Variants in PARP16 observed in about 807,000 individuals in gnomAD.
PARP16 encodes protein mono-ADP-ribosyltransferase PARP16.
In PARP16, 31 loss-of-function variants were observed where a neutral mutation model predicts 35.0. That is an observed-to-expected ratio of 0.88 (90% CI 0.66 to 1.19). The LOEUF (loss-of-function observed/expected upper bound fraction) is 1.19. PARP16 is among the 50% of genes most tolerant of loss of function. The pLI is 0.00. For missense variants in PARP16, 424 were observed against 411.2 expected, an observed-to-expected ratio of 1.03 and a Z score of -0.27; for synonymous variants, 162 against 169.5, an observed-to-expected ratio of 0.96 and a Z score of 0.34.
chr15:65,281,107 C>G (rs1483412098), intron 1 of PARP16, among the ~76,000 whole-genome samples: 4 of 152,168 alleles, frequency 2.6e-5, no homozygotes, highest in African/African-American at 9.7e-5. Flanking sequence ...CAGAAAGGGT[C>G]TACAGGCTAA....
intron 1 of PARP16, among the ~76,000 whole-genome samples, chr15:65,284,337 C>CTT (rs34254507): frequency 0.018 from 1,187 of 67,022 alleles, 1 homozygote; most frequent in Middle Eastern, 0.03. Flanking sequence ...TTTCTTTCCT[C>CTT]TTTTTTTTTT....
At chr15:65,266,807 G>A in intron 2 of PARP16, 39 bp from the exon 3 acceptor site, 2 of 1,463,204 alleles carry the variant, frequency 1.4e-6, no homozygotes, top group Non-Finnish European at 1.9e-6. Context: ...TATTTGGGGA[G>A]CTGGTAAATG....
downstream of PARP16, among the ~76,000 whole-genome samples, chr15:65,231,000 T>C (rs956181281): frequency 6.7e-6 from 1 of 150,234 alleles, no homozygotes; most frequent in African/African-American, 2.4e-5. Flanking sequence ...GTGATTCTCC[T>C]GCCTCAGCCT....
chr15:65,282,355 A>C (rs1042657656), intron 1 of PARP16, among the ~76,000 whole-genome samples: 1 of 152,194 alleles, frequency 6.6e-6, no homozygotes, highest in Admixed American at 6.5e-5. Context: ...AGGTAACTAC[A>C]AAATGATCTA....
chr15:65,278,775 T>C (rs919204993), intron 1 of PARP16, among the ~76,000 whole-genome samples: 4 of 152,080 alleles, frequency 2.6e-5, no homozygotes, highest in Non-Finnish European at 4.4e-5. Flanking sequence ...AGAACAAACA[T>C]CTGAAAAACA....
intron 3 of PARP16, chr15:65,234,903 C>G (rs1015231468): frequency 3.9e-5 from 6 of 152,202 alleles, no homozygotes; most frequent in Admixed American, 3.3e-4. Context: ...GTAATCCCAG[C>G]ACTTTGGGAG....
intron 3 of PARP16, among the ~76,000 whole-genome samples, chr15:65,265,979 A>C (rs1037188000): frequency 1.3e-5 from 2 of 152,110 alleles, no homozygotes; most frequent in African/African-American, 2.4e-5. Context: ...CCTAGGCTGG[A>C]GTGCAATGGC....
chr15:65,240,027 G>A (rs1390696130), intron 3 of PARP16, among the ~76,000 whole-genome samples: 1 of 143,558 alleles, frequency 7.0e-6, no homozygotes, highest in Admixed American at 7.2e-5. Flanking sequence ...GCGCGATCAC[G>A]GCTCACTGCA....
At chr15:65,244,838 G>A (rs2089166465) in intron 3 of PARP16, among the ~76,000 whole-genome samples, 1 of 152,256 alleles carries the variant, frequency 6.6e-6, no homozygotes, top group Non-Finnish European at 1.5e-5. Context: ...CTGTGAGCCT[G>A]TTGGTTGGTC....
chr15:65,272,169 C>A (rs532340643), intron 1 of PARP16, among the ~76,000 whole-genome samples: 3 of 152,352 alleles, frequency 2.0e-5, no homozygotes, highest in Non-Finnish European at 4.4e-5. Flanking sequence ...ATGTGGACCA[C>A]TGCAAGGACT....
chr15:65,261,945 T>G (rs933505090), intron 4 of PARP16, among the ~76,000 whole-genome samples: 10 of 152,180 alleles, frequency 6.6e-5, no homozygotes, highest in African/African-American at 2.4e-4. Flanking sequence ...AAGGTTTTGT[T>G]TTGATGTTTA....
intron 5 of PARP16, among the ~76,000 whole-genome samples, chr15:65,260,486 T>C (rs1373029487): frequency 6.6e-6 from 1 of 152,196 alleles, no homozygotes; most frequent in African/African-American, 2.4e-5. Context: ...CAGCAGCCAC[T>C]GTGGGAAGCT....
In PARP16 at chr15:65,286,262, A is replaced by G. The variant is rs774041706; in HGVS notation, c.165T>C (p.Phe55=). 2.5e-6 allele frequency: 4 copies of G among 1,581,402 alleles called. No individual in the cohort carries two copies. Among genetic ancestry groups the G allele is most frequent in the Non-Finnish European group, 3.4e-6 (4 of 1,166,978 alleles). The change falls in exon 1 of 6, where the codon TTT becomes TTC. Residue 55 remains phenylalanine, a synonymous_variant. Transcript: ENST00000649807. The part of the protein sequence containing the change: ...ASYARGDCKD[F]EALLADASKL... ...GACAAAGCACACTCACCAGGGCTTC[A>G]AAGTCCTTACAGTCGCCGCGGGCGT...
chr15:65,261,093 G>A, intron 4 of PARP16, 67 bp from the exon 5 acceptor site: 1 of 1,511,230 alleles, frequency 6.6e-7, no homozygotes, highest in East Asian at 2.3e-5. Flanking sequence ...ATTATAAATA[G>A]AAATAAGTCA....
At chr15:65,236,971 CA>C (rs1161870802) in intron 3 of PARP16, among the ~76,000 whole-genome samples, 604 of 52,328 alleles carry the variant, frequency 0.012, 2 homozygotes, top group African/African-American at 0.031. Flanking sequence ...GACTCTGTCT[CA>C]AAAAAAAAAA....
intron 1 of PARP16, among the ~76,000 whole-genome samples, chr15:65,271,385 C>T (rs1325000131): frequency 1.3e-5 from 2 of 152,014 alleles, no homozygotes; most frequent in African/African-American, 4.8e-5. Context: ...GCAATTCTCC[C>T]ACCTCAGCCT....
chr15:65,268,339 C>T (rs114836145), intron 2 of PARP16, among the ~76,000 whole-genome samples: 128 of 152,298 alleles, frequency 8.4e-4, no homozygotes, highest in African/African-American at 3.0e-3. Context: ...GCATGGTGGC[C>T]ATCCCAGCTG....
downstream of PARP16, among the ~76,000 whole-genome samples, chr15:65,234,167 C>A (rs1444196871): frequency 6.6e-6 from 1 of 152,112 alleles, no homozygotes; most frequent in Non-Finnish European, 1.5e-5. Flanking sequence ...ATCCATGGGC[C>A]CAAGAATAAG....
intron 3 of PARP16, among the ~76,000 whole-genome samples, chr15:65,265,235 TA>T (rs2140876922): frequency 6.6e-6 from 1 of 152,344 alleles, no homozygotes; most frequent in African/African-American, 2.4e-5. Flanking sequence ...CTCCTCCAAC[TA>T]CCCTAGATGC....
Sources: allele counts gnomAD v4.1 joint callset (sites outside exome capture counted in the v4.1 genomes callset), GRCh38; gene constraint gnomAD v4.1.1; transcripts MANE v1.5; gene names NCBI Gene and HGNC (gene_info 2026-07-23, HGNC 2026-07-21).